The following LHFPL2 variants were observed in gnomAD, a reference collection of about 807,000 sequenced individuals.
The protein encoded by LHFPL2 is LHFPL tetraspan subfamily member 2 protein.
LHFPL2 carries 7 observed loss-of-function variants against 17.5 expected under a neutral mutation model. The ratio of observed to expected loss-of-function variants is 0.40; its 90% CI spans 0.23 to 0.75. The LOEUF (loss-of-function observed/expected upper bound fraction) is 0.75. Among genes scored for constraint, LHFPL2 ranks in the 30% least tolerant of loss-of-function variants. The probability of loss-of-function intolerance (pLI) is 0.37; values close to 1 mark genes in which losing one functional copy is unlikely to be tolerated. For synonymous variants in LHFPL2, 134 were observed against 116.2 expected (o/e 1.15, Z -0.99); for missense variants, 241 against 294.8 (o/e 0.82, Z 1.34).
Position 78,529,112 on chromosome 5 carries a change from GAA to G in LHFPL2, c.-185-18716_-185-18715del, listed in dbSNP as rs59230176. Among the ~76,000 whole-genome samples, 9 of 139,102 alleles carry G rather than the reference GAA, an allele frequency of 6.5e-5. No homozygotes were observed. In the East Asian group the frequency reaches 8.3e-4, roughly 13 times the overall value. 91.3% of individuals were successfully genotyped at this position (139,102 alleles called of 152,430 possible). A position where few individuals can be genotyped will look rare whatever the true frequency, so the allele number is the denominator to read the frequency against. On this transcript the variant is annotated intron_variant, in intron 3 of 4. Coordinates refer to ENST00000380345, the MANE Select transcript of LHFPL2 (RefSeq NM_005779.3). ...GGCAACATAACAAGACCACGTCTCT[GAA>G]AAAAAAAAAAAGAAAAATTTAATTA...
At position 78,615,926 on chromosome 5, in the gene LHFPL2, G is replaced by A. The variant is rs558328806; in HGVS notation, c.-245+16338C>T. On this transcript the variant is annotated intron_variant, in intron 2 of 4. Transcript: ENST00000380345. ...CTCACCCAGATGACTCCACAGAAGA[G>A]AGGTTACCTTTGCAAAGCTGGTGCT... Among the ~76,000 whole-genome samples the A allele has an allele frequency of 7.2e-5, 11 of 152,276 alleles. No homozygotes were observed. In the East Asian group the frequency reaches 2.1e-3, roughly 29 times the overall value.
intron 2 of LHFPL2, among the ~76,000 whole-genome samples, chr5:78,631,592 A>G (rs896418965): frequency 1.3e-5 from 2 of 152,226 alleles, no homozygotes; most frequent in African/African-American, 4.8e-5. Context: ...GCTGCGAAGC[A>G]AAAAAAGGTT....
intron 2 of LHFPL2, among the ~76,000 whole-genome samples, chr5:78,593,784 A>AAGG (rs1743728924): frequency 6.6e-6 from 1 of 152,120 alleles, no homozygotes; most frequent in Non-Finnish European, 1.5e-5. Flanking sequence ...GCAAGGCTGG[A>AAGG]CCAATTGTCT....
At chr5:78,639,553 G>C (rs1745592137) in intron 1 of LHFPL2, among the ~76,000 whole-genome samples, 1 of 152,122 alleles carries the variant, frequency 6.6e-6, no homozygotes, top group Non-Finnish European at 1.5e-5. Flanking sequence ...ACTGTAAGAA[G>C]GAGCAAATGA....
At chr5:78,560,268 C>T (rs1482335327) in intron 3 of LHFPL2, among the ~76,000 whole-genome samples, 6 of 152,262 alleles carry the variant, frequency 3.9e-5, no homozygotes, top group Non-Finnish European at 7.3e-5. Context: ...AACAAACATA[C>T]TGATAACCTT....
chr5:78,550,554 T>C lies in LHFPL2; in HGVS notation c.-186+14259A>G, dbSNP rs770750216. On this transcript the variant is annotated intron_variant, in intron 3 of 4. Transcript: ENST00000380345. The stretch of plus-strand genomic sequence containing the variant: ...TGAAAAAGGATCCTCTTTACTTCTG[T>C]TTTATTTATTTTTATTTATTTATTT... Among the ~76,000 whole-genome samples the C allele has an allele frequency of 2.2e-5, 3 of 134,764 alleles. 1 individual carries two copies. Among genetic ancestry groups the C allele is most frequent in the Middle Eastern group, 7.6e-3 (2 of 264 alleles). 88.4% of individuals were successfully genotyped at this position (134,764 alleles called of 152,430 possible).
At chr5:78,634,974 G>T (rs1348985520) in intron 1 of LHFPL2, among the ~76,000 whole-genome samples, 1 of 152,182 alleles carries the variant, frequency 6.6e-6, no homozygotes, top group African/African-American at 2.4e-5. Context: ...CCAATCTAGG[G>T]ACACCAGGGG....
intron 2 of LHFPL2, among the ~76,000 whole-genome samples, chr5:78,618,646 C>T (rs753881888): frequency 1.3e-5 from 2 of 152,232 alleles, no homozygotes; most frequent in East Asian, 3.8e-4. Flanking sequence ...CTTTCTGTGA[C>T]TGGCCCTAGA....
chr5:78,533,481 G>A (rs1406995993), intron 3 of LHFPL2, among the ~76,000 whole-genome samples: 3 of 152,158 alleles, frequency 2.0e-5, no homozygotes, highest in African/African-American at 2.4e-5. Flanking sequence ...GGGGATGGGC[G>A]GTGTAGGATG....
intron 2 of LHFPL2, among the ~76,000 whole-genome samples, chr5:78,627,069 GA>G (rs1561371702): frequency 6.8e-6 from 1 of 147,206 alleles, no homozygotes; most frequent in African/African-American, 2.6e-5. Context: ...CAACGAGAGC[GA>G]AACTCCATTT....
At chr5:78,575,658 A>T (rs1235053246) in intron 2 of LHFPL2, among the ~76,000 whole-genome samples, 1 of 152,258 alleles carries the variant, frequency 6.6e-6, no homozygotes, top group African/African-American at 2.4e-5. Flanking sequence ...TCTTTTTAAA[A>T]TGGAACAAGC....
At chr5:78,544,588 T>C (rs1252085290) in intron 3 of LHFPL2, among the ~76,000 whole-genome samples, 4 of 152,196 alleles carry the variant, frequency 2.6e-5, no homozygotes, top group Non-Finnish European at 4.4e-5. Flanking sequence ...TATGTAGCAG[T>C]TGTCTGAATC....
At chr5:78,508,798 T>C (rs1313977371) in intron 4 of LHFPL2, among the ~76,000 whole-genome samples, 1 of 152,226 alleles carries the variant, frequency 6.6e-6, no homozygotes, top group Non-Finnish European at 1.5e-5. Context: ...GGTAACTTTG[T>C]CCTGTTAGAG....
chr5:78,527,616 T>C (rs1407867512), intron 3 of LHFPL2, among the ~76,000 whole-genome samples: 1 of 152,044 alleles, frequency 6.6e-6, no homozygotes, highest in East Asian at 1.9e-4. Flanking sequence ...GAAACAGATC[T>C]AGAAGGCCAG....
chr5:78,563,616 G>T (rs1002869794), intron 3 of LHFPL2, among the ~76,000 whole-genome samples: 1 of 151,016 alleles, frequency 6.6e-6, no homozygotes. Context: ...CAGGAGAATC[G>T]CTTGAACCCA....
At chr5:78,532,753 A>G (rs1755823750) in intron 3 of LHFPL2, among the ~76,000 whole-genome samples, 3 of 151,774 alleles carry the variant, frequency 2.0e-5, no homozygotes. Flanking sequence ...TTTCCATCTT[A>G]TTAACCAAAA....
chr5:78,573,637 A>G (rs551594655), intron 2 of LHFPL2, among the ~76,000 whole-genome samples: 151 of 152,348 alleles, frequency 9.9e-4, no homozygotes, highest in African/African-American at 3.4e-3. Flanking sequence ...GCTCCTGCAC[A>G]GCCTGTCTCT....
chr5:78,526,031 G>A (rs1033703047), intron 3 of LHFPL2, among the ~76,000 whole-genome samples: 1 of 152,120 alleles, frequency 6.6e-6, no homozygotes, highest in African/African-American at 2.4e-5. Context: ...CCAGTGCCAG[G>A]GGCTTCAAAC....
At chr5:78,532,944 C>T (rs760513007) in intron 3 of LHFPL2, among the ~76,000 whole-genome samples, 6 of 152,198 alleles carry the variant, frequency 3.9e-5, no homozygotes, top group Non-Finnish European at 8.8e-5. Context: ...AAGGGACACA[C>T]CGAGTGAGGC....
Sources: gnomAD v4.1 joint callset for allele counts (sites outside exome capture counted in the v4.1 genomes callset) on GRCh38, gnomAD v4.1.1 for gene constraint, MANE v1.5 for transcripts, NCBI Gene and HGNC (gene_info 2026-07-23, HGNC 2026-07-21) for gene names.